Variants in ATP6V1C1 observed in about 807,000 individuals in gnomAD.
ATP6V1C1 encodes the protein V-type proton ATPase subunit C 1.
ATP6V1C1 carries 45 observed loss-of-function variants against 53.9 expected under a neutral mutation model. The observed-to-expected ratio is 0.83, with a 90% CI of 0.66 to 1.07. ATP6V1C1 has a LOEUF of 1.07. ATP6V1C1 is among the 50% of genes least tolerant of loss of function. ATP6V1C1 has a pLI of 0.00. For synonymous variants in ATP6V1C1, 153 were observed against 155.2 expected (o/e 0.99, Z 0.11); for missense variants, 315 against 440.3 (o/e 0.72, Z 2.55).
Position 103,069,040 on chromosome 8 carries a change from A to G in ATP6V1C1, c.*293A>G. On this transcript the variant is annotated 3_prime_UTR_variant, in exon 13 of 13. Coordinates refer to ENST00000518738, the MANE Select transcript of ATP6V1C1 (RefSeq NM_001695.5). ...AGAAGGTCTCTTCCTTATTGATATC[A>G]TGGTATGCATTAATTCCATTTGTTA... 1 of 185,720 alleles carries G rather than the reference A, an allele frequency of 5.4e-6. No individual in the cohort carries two copies. Among genetic ancestry groups the G allele is most frequent in the Non-Finnish European group, 1.1e-5 (1 of 90,790 alleles). The allele number at this position is 185,720 out of a possible 1,614,324, so 11.5% of individuals were successfully genotyped here.
chr8:103,068,757 C>T lies in ATP6V1C1; in HGVS notation c.*10C>T, dbSNP rs374231753. The T allele has an allele frequency of 1.3e-6, 2 of 1,599,078 alleles. No homozygotes were observed. The highest frequency in any genetic ancestry group is 2.7e-5 in the African/African-American group (2 of 74,542). On this transcript the variant is annotated 3_prime_UTR_variant, in exon 13 of 13. Coordinates refer to ENST00000518738, the MANE Select transcript of ATP6V1C1 (RefSeq NM_001695.5). ...GCTGGAATTCAAGTGAAAATGGGCTCCTCCCCCGACAATCCTGTCCTTGTG... is the reference window on the plus strand; with the variant it reads ...GCTGGAATTCAAGTGAAAATGGGCTTCTCCCCCGACAATCCTGTCCTTGTG...
intron 12 of ATP6V1C1, among the ~76,000 whole-genome samples, chr8:103,067,787 G>A (rs765791008): frequency 1.3e-4 from 19 of 151,920 alleles, no homozygotes; most frequent in Non-Finnish European, 2.2e-4. Flanking sequence ...GTTTCACCAT[G>A]TTGGCCAGGC....
chr8:103,025,162 A>G (rs1363706135), intron 1 of ATP6V1C1, among the ~76,000 whole-genome samples: 1 of 152,196 alleles, frequency 6.6e-6, no homozygotes, highest in Non-Finnish European at 1.5e-5. Flanking sequence ...CAGACTATCA[A>G]TGAATAGGAA....
chr8:103,039,065 A>T (rs1255139269), intron 1 of ATP6V1C1, among the ~76,000 whole-genome samples: 1 of 152,166 alleles, frequency 6.6e-6, no homozygotes, highest in Admixed American at 6.5e-5. Flanking sequence ...TTCTTTTTTA[A>T]AATTTTTTTT....
intron 5 of ATP6V1C1, among the ~76,000 whole-genome samples, chr8:103,051,518 A>G (rs1235198382): frequency 3.3e-5 from 5 of 152,138 alleles, no homozygotes; most frequent in Admixed American, 2.6e-4. Context: ...GTTTATGTGC[A>G]TACAATACTT....
intron 8 of ATP6V1C1, among the ~76,000 whole-genome samples, chr8:103,058,390 A>G (rs181215631): frequency 6.6e-6 from 1 of 152,380 alleles, no homozygotes; most frequent in East Asian, 1.9e-4. Flanking sequence ...ACATAGCACT[A>G]GCTCAAATAG....
intron 2 of ATP6V1C1, among the ~76,000 whole-genome samples, chr8:103,041,407 A>C (rs1379814027): frequency 6.6e-6 from 1 of 152,210 alleles, no homozygotes; most frequent in East Asian, 1.9e-4. Context: ...AATCTATGTA[A>C]GATTCACTCT....
At chr8:103,025,014 A>G (rs577725174) in intron 1 of ATP6V1C1, among the ~76,000 whole-genome samples, 1 of 152,150 alleles carries the variant, frequency 6.6e-6, no homozygotes, top group South Asian at 2.1e-4. Context: ...CGGGGATAAA[A>G]GAGTATTAAC....
At chr8:103,064,838 G>A (rs539308821) in intron 11 of ATP6V1C1, 27 bp downstream of exon 11, 2 of 1,594,226 alleles carry the variant, frequency 1.3e-6, no homozygotes, top group East Asian at 4.5e-5. Context: ...GCCAAACTTG[G>A]AACTGAAGAG....
intron 1 of ATP6V1C1, among the ~76,000 whole-genome samples, chr8:103,032,026 CAAAAAAA>C (rs770295683): frequency 2.0e-5 from 3 of 146,412 alleles, no homozygotes; most frequent in East Asian, 4.0e-4. Context: ...AAACAAAAAA[CAAAAAAA>C]ACCCAAAAAC....
At chr8:103,028,787 C>G (rs1013543572) in intron 1 of ATP6V1C1, among the ~76,000 whole-genome samples, 2 of 152,174 alleles carry the variant, frequency 1.3e-5, no homozygotes, top group African/African-American at 4.8e-5. Context: ...TTTTCTTTGA[C>G]TATGATTCCC....
intron 3 of ATP6V1C1, among the ~76,000 whole-genome samples, chr8:103,043,885 T>G (rs933953111): frequency 6.6e-6 from 1 of 151,952 alleles, no homozygotes; most frequent in African/African-American, 2.4e-5. Flanking sequence ...GTGAGTTGTC[T>G]TCATTTTCTT....
At chr8:103,033,944 C>T (rs982381509) in intron 1 of ATP6V1C1, among the ~76,000 whole-genome samples, 1 of 152,142 alleles carries the variant, frequency 6.6e-6, no homozygotes, top group Non-Finnish European at 1.5e-5. Context: ...AGTAGGACTA[C>T]ATATTGGGGA....
In ATP6V1C1 at chr8:103,071,118, TTG is replaced by T. The variant is rs1817579811; in HGVS notation, c.*2375_*2376del. ...GTGTCTAACATAACAACAGAGCAGT[TTG>T]TGTCACTGAGCTCCAGTCTGTGCTG... On this transcript the variant is annotated 3_prime_UTR_variant, in exon 13 of 13. Coordinates refer to ENST00000518738, the MANE Select transcript of ATP6V1C1 (RefSeq NM_001695.5). The T allele has an allele frequency of 2.0e-5, 3 of 152,222 alleles. No individual in the cohort carries two copies. Among genetic ancestry groups the T allele is most frequent in the Non-Finnish European group, 4.4e-5 (3 of 68,050 alleles). The allele number at this position is 152,222 out of a possible 1,614,324, so 9.4% of individuals were successfully genotyped here. A position where few individuals can be genotyped will look rare whatever the true frequency, so the allele number is the denominator to read the frequency against.
At position 103,066,339 on chromosome 8, in the gene ATP6V1C1, C is replaced by T. The variant is rs747647606; in HGVS notation, c.945C>T (p.Asn315=). The change falls in exon 12 of 13, where the codon AAC becomes AAT. Residue 315 remains asparagine (N), a synonymous_variant. Transcript: ENST00000518738. ...TTGTAAGGTATGGCTTGCCAGTGAA[C>T]TTCCAAGCAATGCTACTTCAGCCCA... ...ESVLRYGLPV[N]FQAMLLQPNK... 6.2e-7 allele frequency: 1 copy of T among 1,610,060 alleles called. No individual in the cohort carries two copies. The highest frequency in any genetic ancestry group is 8.5e-7 in the Non-Finnish European group (1 of 1,178,786).
At chr8:103,025,126 C>A (rs1022439490) in intron 1 of ATP6V1C1, among the ~76,000 whole-genome samples, 1 of 151,882 alleles carries the variant, frequency 6.6e-6, no homozygotes, top group African/African-American at 2.4e-5. Flanking sequence ...AGAAAGGGAT[C>A]GATGGATCTT....
At chr8:103,049,472 C>G (rs1817161992) in intron 4 of ATP6V1C1, among the ~76,000 whole-genome samples, 2 of 152,172 alleles carry the variant, frequency 1.3e-5, no homozygotes, top group African/African-American at 4.8e-5. Flanking sequence ...TTCTCTGTAG[C>G]TAGAAGCCAG....
rs1280192393 is a variant in ATP6V1C1 at position 103,052,812 on chromosome 8, C to T, written c.463C>T (p.Arg155Ter). The T allele has an allele frequency of 5.0e-6, 8 of 1,584,956 alleles. No homozygotes were observed. Among genetic ancestry groups the T allele is most frequent in the South Asian group, 2.3e-5 (2 of 87,720 alleles). Residue 155 changes from arginine (R) to a stop codon, truncating the protein, a stop_gained, in exon 6 of 13, where the codon CGA (arginine) becomes TGA (stop). Transcript: ENST00000518738. LOFTEE classifies it high-confidence loss of function. ...GAAAGGAAATCTTCAGAATTTGGAA[C>T]GAAAGAATGCGTAAGCAGATCAAGT... ...NLKGNLQNLE[R>*]KNAGSLLTRS... is the part of the protein sequence containing the mutation.
At chr8:103,030,501 G>T (rs549937191) in intron 1 of ATP6V1C1, among the ~76,000 whole-genome samples, 9 of 152,312 alleles carry the variant, frequency 5.9e-5, no homozygotes, top group African/African-American at 1.9e-4. Flanking sequence ...TACAAATCTG[G>T]ACAAGATATA....
Sources: gnomAD v4.1 joint callset for allele counts (sites outside exome capture counted in the v4.1 genomes callset) on GRCh38, gnomAD v4.1.1 for gene constraint, MANE v1.5 for transcripts, NCBI Gene and HGNC (gene_info 2026-07-23, HGNC 2026-07-21) for gene names.